Variants in LUZP2 observed in about 807,000 individuals in gnomAD.
The protein encoded by LUZP2 is leucine zipper protein 2.
LUZP2 carries 52 observed loss-of-function variants against 51.6 expected under a neutral mutation model. The ratio of observed to expected loss-of-function variants is 1.01; its 90% CI spans 0.81 to 1.27. The LOEUF (loss-of-function observed/expected upper bound fraction) is 1.27, where lower values mean the gene tolerates loss of function less well. Among genes scored for constraint, LUZP2 ranks in the 50% most tolerant of loss-of-function variants. LUZP2 has a pLI of 0.00. For synonymous variants in LUZP2, 154 were observed against 137.3 expected, an observed-to-expected ratio of 1.12 and a Z score of -0.85; for missense variants, 436 against 395.4, an observed-to-expected ratio of 1.10 and a Z score of -0.87.
chr11:24,527,399 T>C (rs1357037749), intron 1 of LUZP2, among the ~76,000 whole-genome samples: 1 of 151,116 alleles, frequency 6.6e-6, no homozygotes, highest in African/African-American at 2.4e-5. Flanking sequence ...TATTAAAATA[T>C]TGCAGTTCTA....
chr11:24,689,528 G>A (rs930738058), intron 1 of LUZP2, among the ~76,000 whole-genome samples: 11 of 152,090 alleles, frequency 7.2e-5, no homozygotes, highest in African/African-American at 2.7e-4. Context: ...TTTTCTCCTG[G>A]CACCAGCTGT....
At chr11:24,882,531 A>ATC (rs1187512531) in intron 5 of LUZP2, among the ~76,000 whole-genome samples, 32 of 152,222 alleles carry the variant, frequency 2.1e-4, no homozygotes, top group African/African-American at 7.7e-4. Context: ...AGATTAATGT[A>ATC]TAATGACATG....
At chr11:24,789,908 T>G (rs1056809192) in intron 5 of LUZP2, among the ~76,000 whole-genome samples, 2 of 152,192 alleles carry the variant, frequency 1.3e-5, no homozygotes, top group Non-Finnish European at 2.9e-5. Flanking sequence ...GGTTAGAATT[T>G]CAACATATAA....
intron 5 of LUZP2, among the ~76,000 whole-genome samples, chr11:24,827,712 G>A (rs528178954): frequency 1.6e-3 from 251 of 152,142 alleles, no homozygotes; most frequent in African/African-American, 5.8e-3. Context: ...CTCTGTCTTC[G>A]AATCAGTAAT....
chr11:24,998,357 T>C (rs1358701619), intron 9 of LUZP2, among the ~76,000 whole-genome samples: 3 of 152,206 alleles, frequency 2.0e-5, no homozygotes, highest in Non-Finnish European at 2.9e-5. Context: ...GTTGGATTCT[T>C]AGGTATTTTA....
intron 6 of LUZP2, among the ~76,000 whole-genome samples, chr11:24,907,014 C>G (rs1808171821): frequency 6.6e-6 from 1 of 152,140 alleles, no homozygotes. Flanking sequence ...GGCATGACCA[C>G]TGATTCAAAA....
Position 24,563,451 on chromosome 11 carries a change from T to G in LUZP2, c.62+66146T>G, listed in dbSNP as rs142166782. ...ACAAGCAAACTTAAGAGACCTTGCT[T>G]TCATAGATCTTACATGTTAGTATGT... On this transcript the variant is annotated intron_variant, in intron 1 of 11. Transcript: ENST00000336930. 1.4e-3 allele frequency among the ~76,000 whole-genome samples: 211 copies of G among 152,286 alleles called. 2 individuals are homozygous for G. In the East Asian group the frequency reaches 0.028, roughly 20 times the overall value.
chr11:24,840,311 T>G (rs1013336789), intron 5 of LUZP2, among the ~76,000 whole-genome samples: 7 of 151,828 alleles, frequency 4.6e-5, no homozygotes, highest in Admixed American at 1.3e-4. Context: ...GCAACAGAAA[T>G]ACACTAGAAA....
chr11:24,771,757 G>A lies in LUZP2; in HGVS notation c.396+8449G>A, dbSNP rs532882254. On this transcript the variant is annotated intron_variant, in intron 5 of 11. Coordinates refer to ENST00000336930, the MANE Select transcript of LUZP2 (RefSeq NM_001009909.4). ...TGGAGATAATTGAATCATGGGGGCA[G>A]TTTTCCCCGTACTGTTCTCCCAGTA... 3.5e-4 allele frequency among the ~76,000 whole-genome samples: 54 copies of A among 152,180 alleles called. 3 individuals are homozygous for A. The South Asian group carries it at 0.011, about 32-fold the overall frequency.
rs12417070 is a variant in LUZP2, at chr11:24,508,007, T to C, written c.62+10702T>C. On this transcript the variant is annotated intron_variant, in intron 1 of 11. Coordinates refer to ENST00000336930, the MANE Select transcript of LUZP2 (RefSeq NM_001009909.4). ...AATATAATATTTATAATAATATAAA[T>C]GAATAGTACTTAGCAATTATATAAT... Among the ~76,000 whole-genome samples, 173 of 151,230 alleles carry C rather than the reference T, an allele frequency of 1.1e-3. 3 individuals carry two copies. The East Asian group carries it at 0.031, about 27-fold the overall frequency.
At chr11:24,556,923 C>A (rs931234868) in intron 1 of LUZP2, among the ~76,000 whole-genome samples, 2 of 152,064 alleles carry the variant, frequency 1.3e-5, no homozygotes, top group African/African-American at 2.4e-5. Flanking sequence ...ATCATTTTGG[C>A]CTCTGGGCTT....
At chr11:24,523,184 C>T (rs758865658) in intron 1 of LUZP2, among the ~76,000 whole-genome samples, 7 of 151,934 alleles carry the variant, frequency 4.6e-5, no homozygotes, top group Non-Finnish European at 1.0e-4. Context: ...AATTGCTTTT[C>T]AGTATAAGAA....
At chr11:24,780,656 C>G (rs1308207266) in intron 5 of LUZP2, among the ~76,000 whole-genome samples, 2 of 152,100 alleles carry the variant, frequency 1.3e-5, no homozygotes, top group East Asian at 3.9e-4. Context: ...TGATACCAGA[C>G]AGGGCCAGAC....
chr11:24,965,048 A>G (rs555548070), intron 7 of LUZP2, among the ~76,000 whole-genome samples: 21 of 151,668 alleles, frequency 1.4e-4, no homozygotes, highest in Non-Finnish European at 2.2e-4. Context: ...GTATCAGTAA[A>G]GTAGCTGAGA....
chr11:24,933,600 G>A (rs1253133745), intron 7 of LUZP2, among the ~76,000 whole-genome samples: 1 of 152,146 alleles, frequency 6.6e-6, no homozygotes, highest in Non-Finnish European at 1.5e-5. Context: ...ATGCATTTCA[G>A]GAAGATATTA....
At chr11:24,742,482 T>A (rs1859219767) in intron 4 of LUZP2, among the ~76,000 whole-genome samples, 1 of 152,156 alleles carries the variant, frequency 6.6e-6, no homozygotes, top group African/African-American at 2.4e-5. Flanking sequence ...ATATGTTTAT[T>A]TGCAATTTGT....
rs541398161 is a variant in LUZP2, at chr11:24,893,565, A to G, written c.397-12426A>G. Among the ~76,000 whole-genome samples the G allele has an allele frequency of 5.3e-5, 8 of 152,344 alleles. No individual in the cohort carries two copies. The South Asian group carries it at 1.7e-3, about 32-fold the overall frequency. On this transcript the variant is annotated intron_variant, in intron 5 of 11. Coordinates refer to ENST00000336930, the MANE Select transcript of LUZP2 (RefSeq NM_001009909.4). ...GACTACACATAATATATCACCTAAT[A>G]GCATGAAGGTTTTTATCTGCTTATC...
At chr11:24,703,610 G>A (rs1857479271) in intron 1 of LUZP2, among the ~76,000 whole-genome samples, 1 of 151,868 alleles carries the variant, frequency 6.6e-6, no homozygotes, top group African/African-American at 2.4e-5. Flanking sequence ...ATCACCTGAG[G>A]TCAGGAGTTC....
intron 5 of LUZP2, among the ~76,000 whole-genome samples, chr11:24,784,559 A>G (rs1023590014): frequency 1.3e-5 from 2 of 152,024 alleles, no homozygotes; most frequent in Non-Finnish European, 2.9e-5. Flanking sequence ...TTATCTAGCA[A>G]TAATTACTCA....
Sources: gnomAD v4.1 joint callset for allele counts (sites outside exome capture counted in the v4.1 genomes callset) on GRCh38, gnomAD v4.1.1 for gene constraint, MANE v1.5 for transcripts, NCBI Gene and HGNC (gene_info 2026-07-23, HGNC 2026-07-21) for gene names.